CACNB4: variants seen among roughly 807,000 people sequenced by gnomAD.
CACNB4 encodes the protein voltage-dependent L-type calcium channel subunit beta-4.
A neutral mutation model predicts 71.2 loss-of-function variants in CACNB4; 32 were observed. That is an observed-to-expected ratio of 0.45 (90% CI 0.34 to 0.60). The LOEUF (loss-of-function observed/expected upper bound fraction) is 0.60. CACNB4 is among the 20% of genes least tolerant of loss of function. The probability of loss-of-function intolerance (pLI) is 0.01; values close to 1 mark genes in which losing one functional copy is unlikely to be tolerated. For missense variants in CACNB4, 464 were observed against 647.9 expected, an observed-to-expected ratio of 0.72 and a Z score of 3.08; for synonymous variants, 231 against 236.9, an observed-to-expected ratio of 0.97 and a Z score of 0.23.
intron 2 of CACNB4, among the ~76,000 whole-genome samples, chr2:152,096,306 A>T (rs533258013): frequency 6.7e-6 from 1 of 150,272 alleles, no homozygotes; most frequent in Non-Finnish European, 1.5e-5. Flanking sequence ...ACACGGTGAA[A>T]CCCTGTCTCC....
intron 2 of CACNB4, among the ~76,000 whole-genome samples, chr2:152,043,502 T>C (rs1684980941): frequency 6.6e-6 from 1 of 152,166 alleles, no homozygotes; most frequent in Non-Finnish European, 1.5e-5. Flanking sequence ...TTAAAATTTT[T>C]TGTAGAGATG....
At chr2:152,004,621 G>A (rs2151785749) in intron 2 of CACNB4, among the ~76,000 whole-genome samples, 1 of 152,054 alleles carries the variant, frequency 6.6e-6, no homozygotes, top group East Asian at 1.9e-4. Context: ...TGCCTTCAGT[G>A]GAGTGGGCAG....
chr2:151,857,380 T>C (rs1462228787), intron 10 of CACNB4: 1 of 152,246 alleles, frequency 6.6e-6, no homozygotes, highest in Non-Finnish European at 1.5e-5. Flanking sequence ...GAAAGGTGAC[T>C]AGCTTTCAGA....
chr2:151,983,659 A>G (rs2099875100), intron 2 of CACNB4, among the ~76,000 whole-genome samples: 1 of 135,248 alleles, frequency 7.4e-6, no homozygotes, highest in African/African-American at 2.6e-5. Flanking sequence ...AAGTATAAAA[A>G]AGCCATAAAC....
At chr2:151,879,002 T>C (rs549841962) in intron 4 of CACNB4, among the ~76,000 whole-genome samples, 4 of 152,348 alleles carry the variant, frequency 2.6e-5, no homozygotes, top group African/African-American at 9.6e-5. Flanking sequence ...TTTTCCCCAC[T>C]TTCCTGTCTT....
intron 2 of CACNB4, among the ~76,000 whole-genome samples, chr2:151,956,099 T>C (rs2099868187): frequency 6.6e-6 from 1 of 152,224 alleles, no homozygotes; most frequent in South Asian, 2.1e-4. Context: ...AGCTGAGATA[T>C]GGCCATTCAG....
At chr2:152,005,839 T>C (rs1010911088) in intron 2 of CACNB4, among the ~76,000 whole-genome samples, 1 of 152,204 alleles carries the variant, frequency 6.6e-6, no homozygotes, top group African/African-American at 2.4e-5. Flanking sequence ...TGCACCTCCA[T>C]TTCCTTATTT....
At chr2:152,000,714 A>T (rs1682344150) in intron 2 of CACNB4, among the ~76,000 whole-genome samples, 1 of 152,154 alleles carries the variant, frequency 6.6e-6, no homozygotes, top group Admixed American at 6.5e-5. Flanking sequence ...CTTTTCGTAT[A>T]TCCAATTAGC....
chr2:152,052,362 G>A (rs149626146), intron 2 of CACNB4, among the ~76,000 whole-genome samples: 1 of 152,114 alleles, frequency 6.6e-6, no homozygotes. Flanking sequence ...GTACAGTGGC[G>A]TGATCTCGGC....
In CACNB4 at chr2:151,834,728, AAAG is replaced by A. The variant is rs1454669198; in HGVS notation, c.*4388_*4390del. ...TGACTGGTTTGATCATGATTATTTT[AAAG>A]AAGAGGACTGTTCTCTGCCCCATAG... On this transcript the variant is annotated 3_prime_UTR_variant, in exon 14 of 14. Coordinates refer to ENST00000539935, the MANE Select transcript of CACNB4 (RefSeq NM_000726.5). 3.3e-5 allele frequency: 5 copies of A among 151,940 alleles called. No individual in the cohort carries two copies. The highest frequency in any genetic ancestry group is 7.4e-5 in the Non-Finnish European group (5 of 67,824). The allele number at this position is 151,940 out of a possible 1,614,324, so 9.4% of individuals were successfully genotyped here. A position where few individuals can be genotyped will look rare whatever the true frequency, so the allele number is the denominator to read the frequency against.
intron 2 of CACNB4, among the ~76,000 whole-genome samples, chr2:151,914,457 A>C (rs1385697402): frequency 6.6e-6 from 1 of 152,184 alleles, no homozygotes; most frequent in Non-Finnish European, 1.5e-5. Flanking sequence ...CCATCTTCTG[A>C]AGCCTACTTC....
chr2:151,861,540 T>C (rs886239301), intron 9 of CACNB4: 1 of 152,132 alleles, frequency 6.6e-6, no homozygotes, highest in Non-Finnish European at 1.5e-5. Context: ...CCTTCGGTCA[T>C]GCAAGAGAAG....
chr2:151,838,592 G>A lies in CACNB4; in HGVS notation c.*527C>T, dbSNP rs1242856899. On this transcript the variant is annotated 3_prime_UTR_variant, in exon 14 of 14. Transcript: ENST00000539935. The stretch of plus-strand genomic sequence containing the variant: ...ATGTTTATACACTCCAACTTTAAGT[G>A]TAAATTTAGCTTCCAGCAAATAAAT... 2 of 152,102 alleles carry A rather than the reference G, an allele frequency of 1.3e-5. No homozygotes were observed. The highest frequency in any genetic ancestry group is 2.9e-5 in the Non-Finnish European group (2 of 67,996). 9.4% of individuals were successfully genotyped at this position (152,102 alleles called of 1,614,324 possible). A position where few individuals can be genotyped will look rare whatever the true frequency, so the allele number is the denominator to read the frequency against.
At position 151,834,280 on chromosome 2, in the gene CACNB4, T is replaced by C. The variant is rs937697049; in HGVS notation, c.*4839A>G. ...CCACTCTAAATTCATTAGTAACATT[T>C]TCTACCATCCTTCTGCAAACATTTT... On this transcript the variant is annotated 3_prime_UTR_variant, in exon 14 of 14. Transcript: ENST00000539935. The C allele has an allele frequency of 2.5e-4, 38 of 152,186 alleles. No individual in the cohort carries two copies. Among genetic ancestry groups the C allele is most frequent in the African/African-American group, 8.9e-4 (37 of 41,572 alleles). 9.4% of individuals were successfully genotyped at this position (152,186 alleles called of 1,614,324 possible). A position where few individuals can be genotyped will look rare whatever the true frequency, so the allele number is the denominator to read the frequency against.
intron 2 of CACNB4, among the ~76,000 whole-genome samples, chr2:152,009,640 C>T (rs1682947881): frequency 6.6e-6 from 1 of 152,262 alleles, no homozygotes; most frequent in Non-Finnish European, 1.5e-5. Flanking sequence ...CAAGATGACC[C>T]TCAGCAGCAA....
At chr2:151,959,647 T>G (rs1466114608) in intron 2 of CACNB4, among the ~76,000 whole-genome samples, 1 of 152,204 alleles carries the variant, frequency 6.6e-6, no homozygotes, top group East Asian at 1.9e-4. Context: ...TCATCCTTTT[T>G]CTATCTTATT....
intron 2 of CACNB4, among the ~76,000 whole-genome samples, chr2:152,005,021 A>G (rs915370809): frequency 5.3e-5 from 8 of 152,152 alleles, no homozygotes; most frequent in African/African-American, 1.9e-4. Flanking sequence ...TCAAAAAATA[A>G]CAGATGCTGG....
At chr2:152,018,806 A>AACACACACACACACACACACAC (rs10600477) in intron 2 of CACNB4, among the ~76,000 whole-genome samples, 2 of 146,568 alleles carry the variant, frequency 1.4e-5, no homozygotes, top group African/African-American at 5.1e-5. Context: ...CCTGTCTCAA[A>AACACACACACACACACACACAC]ACACACACAC....
intron 2 of CACNB4, among the ~76,000 whole-genome samples, chr2:152,053,910 T>C (rs1276264819): frequency 5.9e-5 from 9 of 152,126 alleles, no homozygotes; most frequent in Admixed American, 5.2e-4. Flanking sequence ...TTACTTGCGA[T>C]TGGCATCTGA....
Sources: allele counts gnomAD v4.1 joint callset (sites outside exome capture counted in the v4.1 genomes callset), GRCh38; gene constraint gnomAD v4.1.1; transcripts MANE v1.5; gene names NCBI Gene and HGNC (gene_info 2026-07-23, HGNC 2026-07-21).